Variants in EIF4ENIF1 observed in about 807,000 individuals in gnomAD.
EIF4ENIF1 encodes eukaryotic translation initiation factor 4E nuclear import factor 1, also known as eukaryotic translation initiation factor 4E transporter.
A neutral mutation model predicts 110.5 loss-of-function variants in EIF4ENIF1; 23 were observed. The ratio of observed to expected loss-of-function variants is 0.21; its 90% CI spans 0.15 to 0.29. The LOEUF (loss-of-function observed/expected upper bound fraction) is 0.29. Ranked by LOEUF, EIF4ENIF1 falls within the 10% of genes least tolerant of loss-of-function variation. The pLI, the probability that EIF4ENIF1 is intolerant of heterozygous loss-of-function variation, is 1.00. For synonymous variants in EIF4ENIF1, 440 were observed against 437.0 expected, an observed-to-expected ratio of 1.01 and a Z score of -0.09; for missense variants, 1,031 against 1,221.1, an observed-to-expected ratio of 0.84 and a Z score of 2.32.
In EIF4ENIF1 at chr22:31,441,817, G is replaced by A. The variant is rs140490938; in HGVS notation, c.2508C>T (p.Ala836=). The stretch of plus-strand genomic sequence containing the variant: ...GAAGATGCTGTGGATGTACTCCCTG[G>A]GCCAGCATCCTCTGTACCAACCCTG... ...LHPGLVQRML[A]QGVHPQHLPS... Residue 836 remains alanine, a synonymous_variant, in exon 17 of 19, where the codon GCC becomes GCT. Transcript: ENST00000330125. The A allele has an allele frequency of 6.2e-7, 1 of 1,613,964 alleles. No individual in the cohort carries two copies. Among genetic ancestry groups the A allele is most frequent in the Non-Finnish European group, 8.5e-7 (1 of 1,179,968 alleles).
intron 11 of EIF4ENIF1, among the ~76,000 whole-genome samples, chr22:31,449,977 C>T (rs1031634116): frequency 2.0e-5 from 3 of 152,122 alleles, no homozygotes; most frequent in African/African-American, 7.2e-5. Context: ...GTGATCCACC[C>T]ACCTCAGCCT....
At chr22:31,453,161 G>A (rs2050723446) in intron 10 of EIF4ENIF1, among the ~76,000 whole-genome samples, 1 of 152,108 alleles carries the variant, frequency 6.6e-6, no homozygotes. Context: ...AAGAGATAGT[G>A]ATATTAACAC....
chr22:31,471,068 T>C (rs1174080085), intron 3 of EIF4ENIF1, among the ~76,000 whole-genome samples: 1 of 150,610 alleles, frequency 6.6e-6, no homozygotes, highest in Non-Finnish European at 1.5e-5. Flanking sequence ...TAGTACAATA[T>C]AGGATTATTG....
intron 4 of EIF4ENIF1, among the ~76,000 whole-genome samples, chr22:31,465,621 C>A (rs1256837139): frequency 1.3e-5 from 2 of 152,146 alleles, no homozygotes; most frequent in Non-Finnish European, 2.9e-5. Flanking sequence ...GGCAATTTCC[C>A]AGAAGGTTAA....
At chr22:31,478,174 A>G (rs1053058246) in intron 2 of EIF4ENIF1, among the ~76,000 whole-genome samples, 1 of 152,190 alleles carries the variant, frequency 6.6e-6, no homozygotes. Context: ...TCCCAGCACA[A>G]GAAGATCCCC....
chr22:31,492,300 C>T (rs1489933658), upstream of EIF4ENIF1, among the ~76,000 whole-genome samples: 1 of 152,172 alleles, frequency 6.6e-6, no homozygotes, highest in African/African-American at 2.4e-5. Context: ...AGCACGGCTA[C>T]CCTATATTCA....
intron 3 of EIF4ENIF1, among the ~76,000 whole-genome samples, chr22:31,470,091 G>A (rs534103951): frequency 6.7e-6 from 1 of 149,696 alleles, no homozygotes; most frequent in African/African-American, 2.5e-5. Flanking sequence ...TTGAACCCGG[G>A]AGGGGAAGGT....
chr22:31,458,627 C>T lies in EIF4ENIF1; in HGVS notation c.811G>A (p.Val271Met). 6.2e-7 allele frequency: 1 copy of T among 1,608,076 alleles called. No individual in the cohort carries two copies. Residue 271 changes from valine (V) to methionine (M), a missense_variant, in exon 7 of 19, where the codon GTG becomes ATG. Val to Met is a conservative substitution (Grantham distance 21, BLOSUM62 1). Transcript: ENST00000330125. ...ACCTCCACTTCATCCTCTTCGGCCA[C>T]TCCTCCATTGCACTCTACTATACCT... Reference protein sequence around the residue: ...KEGIVECNGGVAEEDEVEVIL... With the variant: ...KEGIVECNGGMAEEDEVEVIL...
At position 31,440,131 on chromosome 22, in the gene EIF4ENIF1, TAAG is replaced by T. The variant is rs1446025870; in HGVS notation, c.2717-13_2717-11del. On this transcript the variant is annotated splice_polypyrimidine_tract_variant and intron_variant, in intron 18 of 18. Transcript: ENST00000330125. The stretch of plus-strand genomic sequence containing the variant: ...CCTGGAGGATGCAGAACTGTGGAGA[TAAG>T]AAGGGTTATCATTCACAGCATGAGA... The T allele has an allele frequency of 1.9e-6, 3 of 1,613,970 alleles. No individual in the cohort carries two copies. Among genetic ancestry groups the T allele is most frequent in the South Asian group, 1.1e-5 (1 of 91,086 alleles).
intron 2 of EIF4ENIF1, among the ~76,000 whole-genome samples, chr22:31,481,006 T>C (rs1349956952): frequency 6.6e-6 from 1 of 152,134 alleles, no homozygotes; most frequent in African/African-American, 2.4e-5. Context: ...GAGGTTGCAG[T>C]GAGCCAAGAT....
chr22:31,444,752 T>C (rs1319088823), intron 14 of EIF4ENIF1, 62 bp from the exon 15 acceptor site: 24 of 1,508,592 alleles, frequency 1.6e-5, no homozygotes, highest in Non-Finnish European at 2.2e-5. Context: ...CTTAAAACCA[T>C]ATAATACTCA....
intron 15 of EIF4ENIF1, 175 bp from the exon 16 acceptor site, chr22:31,443,269 G>A (rs1482169424): frequency 1.2e-6 from 1 of 807,880 alleles, no homozygotes; most frequent in Non-Finnish European, 1.9e-6. Flanking sequence ...CAAATAGGCA[G>A]TGTCCCAAGT....
intron 4 of EIF4ENIF1, 27 bp from the exon 5 acceptor site, chr22:31,463,994 T>G: frequency 6.3e-7 from 1 of 1,595,920 alleles, no homozygotes; most frequent in Non-Finnish European, 8.5e-7. Flanking sequence ...AAGACAAAGT[T>G]AAACAAACCA....
chr22:31,472,817 T>C (rs1372554285), intron 2 of EIF4ENIF1, among the ~76,000 whole-genome samples: 2 of 152,204 alleles, frequency 1.3e-5, no homozygotes, highest in African/African-American at 2.4e-5. Context: ...CTTCCTATGT[T>C]TTGGAGACAT....
intron 10 of EIF4ENIF1, chr22:31,450,890 CACACA>C (rs2050649064): frequency 6.6e-6 from 1 of 150,960 alleles, no homozygotes; most frequent in Non-Finnish European, 1.4e-5. Context: ...CACACACACA[CACACA>C]AAAGAGACAG....
intron 4 of EIF4ENIF1, among the ~76,000 whole-genome samples, chr22:31,466,947 T>C (rs1159952500): frequency 6.6e-6 from 1 of 152,194 alleles, no homozygotes; most frequent in African/African-American, 2.4e-5. Context: ...AATGTTCTGT[T>C]GTGTACTTTT....
At chr22:31,486,054 G>A (rs2052009286) in intron 2 of EIF4ENIF1, among the ~76,000 whole-genome samples, 3 of 139,316 alleles carry the variant, frequency 2.2e-5, no homozygotes, top group South Asian at 2.1e-4. Context: ...CGAGACCAGC[G>A]AGGTCAGGAG....
chr22:31,472,858 TATACA>T (rs2051430984), intron 2 of EIF4ENIF1, among the ~76,000 whole-genome samples: 1 of 152,150 alleles, frequency 6.6e-6, no homozygotes, highest in Non-Finnish European at 1.5e-5. Context: ...TGTTTTGAAA[TATACA>T]ATACACTTGT....
chr22:31,485,844 G>A (rs1344703204), intron 2 of EIF4ENIF1, among the ~76,000 whole-genome samples: 3 of 151,726 alleles, frequency 2.0e-5, no homozygotes, highest in Non-Finnish European at 4.4e-5. Flanking sequence ...GGCCAGGCTC[G>A]GTGGCTCACA....
Sources: allele counts gnomAD v4.1 joint callset (sites outside exome capture counted in the v4.1 genomes callset), GRCh38; gene constraint gnomAD v4.1.1; transcripts MANE v1.5; gene names NCBI Gene and HGNC (gene_info 2026-07-23, HGNC 2026-07-21).